RELCH: variants seen among roughly 807,000 people sequenced by gnomAD.
The protein encoded by RELCH is RAB11 binding and LisH domain, coiled-coil and HEAT repeat containing.
A neutral mutation model predicts 150.3 loss-of-function variants in RELCH; 41 were observed. The ratio of observed to expected loss-of-function variants is 0.27; its 90% CI spans 0.21 to 0.35. RELCH has a LOEUF of 0.35. Among genes scored for constraint, RELCH ranks in the 10% least tolerant of loss-of-function variants. The pLI, the probability that RELCH is intolerant of heterozygous loss-of-function variation, is 1.00. For missense variants in RELCH, 1,092 were observed against 1,467.8 expected, an observed-to-expected ratio of 0.74 and a Z score of 4.18; for synonymous variants, 478 against 531.8, an observed-to-expected ratio of 0.90 and a Z score of 1.39.
intron 13 of RELCH, 41 bp downstream of exon 13, chr18:62,255,519 A>G (rs756233822): frequency 9.0e-6 from 13 of 1,438,402 alleles, no homozygotes; most frequent in Middle Eastern, 3.5e-4. Flanking sequence ...TATTTTTCCA[A>G]TAATAGAAAA....
intron 13 of RELCH, among the ~76,000 whole-genome samples, chr18:62,257,727 T>C (rs954786051): frequency 3.9e-5 from 6 of 151,962 alleles, no homozygotes; most frequent in Non-Finnish European, 7.4e-5. Flanking sequence ...AGGAAGGGAT[T>C]TGGGCATGAG....
At chr18:62,237,345 C>G (rs946760172) in intron 10 of RELCH, among the ~76,000 whole-genome samples, 5 of 151,646 alleles carry the variant, frequency 3.3e-5, no homozygotes, top group Non-Finnish European at 5.9e-5. Flanking sequence ...TATTGATCTT[C>G]TGTCTAGAAT....
At chr18:62,299,637 A>G (rs72949279) in intron 28 of RELCH, among the ~76,000 whole-genome samples, 32 of 152,278 alleles carry the variant, frequency 2.1e-4, no homozygotes, top group Middle Eastern at 3.4e-3. Flanking sequence ...ATATATATCC[A>G]TTTTAACCAC....
chr18:62,247,987 T>C (rs2042509593), intron 11 of RELCH, among the ~76,000 whole-genome samples: 1 of 152,120 alleles, frequency 6.6e-6, no homozygotes, highest in South Asian at 2.1e-4. Context: ...ATGGACAAAA[T>C]GTAAATGTAT....
rs769884365 is a variant in RELCH at position 62,187,455 on chromosome 18, G to A, written c.-51G>A. The A allele has an allele frequency of 6.7e-7, 1 of 1,485,684 alleles. No homozygotes were observed. Among genetic ancestry groups the A allele is most frequent in the Non-Finnish European group, 8.9e-7 (1 of 1,118,590 alleles). 92.0% of individuals were successfully genotyped at this position (1,485,684 alleles called of 1,614,324 possible). A position where few individuals can be genotyped will look rare whatever the true frequency, so the allele number is the denominator to read the frequency against. On this transcript the variant is annotated 5_prime_UTR_variant, in exon 1 of 29. Coordinates refer to ENST00000644646, the MANE Select transcript of RELCH (RefSeq NM_001346231.2). ...CCCTGAGGCCTAGAGGATTCGGGCT[G>A]CGGCCCGTCGGAACCAGTCAGGGAG...
At chr18:62,287,604 G>A (rs1189337823) in intron 26 of RELCH, 137 bp downstream of exon 26, 1 of 644,624 alleles carries the variant, frequency 1.6e-6, no homozygotes, top group African/African-American at 1.9e-5. Context: ...GATTTGATTT[G>A]TCTCACTCCA....
At position 62,257,908 on chromosome 18, in the gene RELCH, C is replaced by T. The variant is rs748495383; in HGVS notation, c.1897-40C>T. On this transcript the variant is annotated intron_variant, in intron 13 of 28. Coordinates refer to ENST00000644646, the MANE Select transcript of RELCH (RefSeq NM_001346231.2). ...TCATATTATTTTCTATACTTCTGTG[C>T]TTAGGTGTAAATAAATAGTAAAAAC... The T allele has an allele frequency of 2.0e-5, 29 of 1,482,470 alleles. No individual in the cohort carries two copies. In the Admixed American group the frequency reaches 5.9e-4, roughly 30 times the overall value. 91.8% of individuals were successfully genotyped at this position (1,482,470 alleles called of 1,614,324 possible).
intron 12 of RELCH, 62 bp downstream of exon 12, chr18:62,252,816 A>T: frequency 1.6e-6 from 2 of 1,260,008 alleles, no homozygotes; most frequent in South Asian, 2.5e-5. Flanking sequence ...GAAGATACAT[A>T]GTTTCCTTTT....
chr18:62,196,713 G>A (rs1435063472), intron 1 of RELCH, among the ~76,000 whole-genome samples: 3 of 152,000 alleles, frequency 2.0e-5, no homozygotes, highest in African/African-American at 4.8e-5. Flanking sequence ...GCTTAGCATG[G>A]TGGCCTGAAT....
chr18:62,210,694 G>A (rs749753874), intron 1 of RELCH, among the ~76,000 whole-genome samples: 8 of 152,236 alleles, frequency 5.3e-5, no homozygotes, highest in South Asian at 4.1e-4. Context: ...TCATCTAGGA[G>A]TTGGTCCCAT....
chr18:62,205,374 G>T (rs2039711255), intron 1 of RELCH, among the ~76,000 whole-genome samples: 1 of 152,086 alleles, frequency 6.6e-6, no homozygotes, highest in Non-Finnish European at 1.5e-5. Context: ...TTTCCAGTCA[G>T]TTCCTACCCC....
intron 1 of RELCH, among the ~76,000 whole-genome samples, chr18:62,209,698 A>G (rs931122389): frequency 6.7e-6 from 1 of 149,432 alleles, no homozygotes; most frequent in Non-Finnish European, 1.5e-5. Context: ...TTGAATCTGA[A>G]GATTAATTGT....
At chr18:62,214,101 G>C (rs577857462) in intron 2 of RELCH, among the ~76,000 whole-genome samples, 10 of 152,004 alleles carry the variant, frequency 6.6e-5, no homozygotes, top group African/African-American at 2.4e-4. Context: ...TTTCTCTTAA[G>C]TTTGGAGAAA....
intron 13 of RELCH, among the ~76,000 whole-genome samples, chr18:62,256,091 T>G (rs2042980292): frequency 6.6e-6 from 1 of 152,110 alleles, no homozygotes; most frequent in Admixed American, 6.6e-5. Context: ...AACCCTTTGC[T>G]GCATACTGAA....
intron 9 of RELCH, 31 bp from the exon 10 acceptor site, chr18:62,232,301 A>G (rs367548812): frequency 2.1e-6 from 3 of 1,399,194 alleles, no homozygotes; most frequent in African/African-American, 1.4e-5. Flanking sequence ...GTTCTCCACT[A>G]TCATTGTTTA....
intron 24 of RELCH, 90 bp from the exon 25 acceptor site, chr18:62,282,216 T>C: frequency 3.6e-6 from 4 of 1,122,446 alleles, no homozygotes; most frequent in Non-Finnish European, 5.3e-6. Flanking sequence ...TCCACTGCTT[T>C]AAGTCATGTT....
chr18:62,247,541 C>T (rs536103709), intron 11 of RELCH: 1 of 148,238 alleles, frequency 6.7e-6, no homozygotes, highest in East Asian at 2.0e-4. Context: ...TTATTATAAG[C>T]GATTTTTTTT....
chr18:62,222,858 A>G (rs2040967478), intron 5 of RELCH, among the ~76,000 whole-genome samples: 1 of 152,060 alleles, frequency 6.6e-6, no homozygotes, highest in Non-Finnish European at 1.5e-5. Flanking sequence ...TTAACTAGCA[A>G]TTAGTAACAA....
At chr18:62,213,182 A>G (rs568597076) in intron 2 of RELCH, among the ~76,000 whole-genome samples, 12 of 152,084 alleles carry the variant, frequency 7.9e-5, no homozygotes, top group Non-Finnish European at 1.5e-4. Flanking sequence ...ATTATAAAAT[A>G]TATGGCATTT....
Sources: gnomAD v4.1 joint callset for allele counts (sites outside exome capture counted in the v4.1 genomes callset) on GRCh38, gnomAD v4.1.1 for gene constraint, MANE v1.5 for transcripts, NCBI Gene and HGNC (gene_info 2026-07-23, HGNC 2026-07-21) for gene names.